Variants in PDE8B observed in about 807,000 individuals in gnomAD.
PDE8B encodes the protein phosphodiesterase 8B, also known as high affinity cAMP-specific and IBMX-insensitive 3',5'-cyclic phosphodiesterase 8B.
PDE8B carries 26 observed loss-of-function variants against 101.3 expected under a neutral mutation model. The ratio of observed to expected loss-of-function variants is 0.26; its 90% CI spans 0.19 to 0.36. PDE8B has a LOEUF of 0.36. Ranked by LOEUF, PDE8B falls within the 10% of genes least tolerant of loss-of-function variation. The pLI is 1.00. For missense variants in PDE8B, 810 were observed against 1,163.1 expected (o/e 0.70, Z 4.42); for synonymous variants, 424 against 429.3 (o/e 0.99, Z 0.15).
chr5:77,210,516 G>T, upstream of PDE8B: 1 of 574,870 alleles, frequency 1.7e-6, no homozygotes, highest in African/African-American at 2.0e-5. The surrounding 1 kb of genome is among the most constrained non-coding windows in gnomAD (Gnocchi z 4.9). Flanking sequence ...GCGGGCAGGC[G>T]GGCGGGCGCC....
the PDE8B span, among the ~76,000 whole-genome samples, chr5:77,195,376 C>T: frequency 6.6e-6 from 1 of 152,316 alleles, no homozygotes. Flanking sequence ...GGGATGCGTT[C>T]AAGCCATAGC....
chr5:77,204,353 G>A, the PDE8B span, among the ~76,000 whole-genome samples: 1 of 150,946 alleles, frequency 6.6e-6, no homozygotes. Flanking sequence ...GGAGGTTGCA[G>A]TGAGCCGAGA....
the PDE8B span, among the ~76,000 whole-genome samples, chr5:77,192,808 G>A: frequency 1.1e-4 from 16 of 152,264 alleles, no homozygotes; most frequent in East Asian, 2.5e-3. Flanking sequence ...AGTAATGTAC[G>A]AGAATTCCAG....
intron 10 of PDE8B, among the ~76,000 whole-genome samples, chr5:77,370,461 G>A (rs1784889478): frequency 6.6e-6 from 1 of 152,190 alleles, no homozygotes; most frequent in African/African-American, 2.4e-5. Context: ...ATGTTTTTGA[G>A]ATGTATTTAT....
intron 10 of PDE8B, among the ~76,000 whole-genome samples, chr5:77,358,966 C>T (rs931745950): frequency 2.6e-5 from 4 of 152,134 alleles, no homozygotes; most frequent in African/African-American, 9.7e-5. Flanking sequence ...TACGTATTTA[C>T]AAGAATCTAT....
intron 1 of PDE8B, among the ~76,000 whole-genome samples, chr5:77,259,079 C>CA (rs1561428902): frequency 8.9e-5 from 7 of 78,488 alleles, no homozygotes; most frequent in African/African-American, 2.6e-4. Flanking sequence ...CCCCCGCCCC[C>CA]CCCCCACACA....
At chr5:77,314,483 G>A (rs369559779) in intron 2 of PDE8B, among the ~76,000 whole-genome samples, 2 of 152,066 alleles carry the variant, frequency 1.3e-5, no homozygotes, top group African/African-American at 4.8e-5. Context: ...AATTTCAGGA[G>A]TATTACTATG....
At chr5:77,103,612 G>A in the PDE8B span, among the ~76,000 whole-genome samples, 1 of 152,198 alleles carries the variant, frequency 6.6e-6, no homozygotes, top group South Asian at 2.1e-4. Context: ...AGAACTCTGT[G>A]TTCCAGGCCC....
At chr5:77,346,165 T>A (rs1780113512) in intron 7 of PDE8B, among the ~76,000 whole-genome samples, 1 of 152,218 alleles carries the variant, frequency 6.6e-6, no homozygotes, top group Admixed American at 6.5e-5. Flanking sequence ...CCTGTTTAGC[T>A]GTATTGTTAG....
At chr5:77,095,585 G>T in the PDE8B span, among the ~76,000 whole-genome samples, 2 of 152,160 alleles carry the variant, frequency 1.3e-5, no homozygotes, top group African/African-American at 4.8e-5. Flanking sequence ...GTTGGGCATT[G>T]TTTGTGCTAT....
chr5:77,414,725 C>T (rs12516965), intron 17 of PDE8B, among the ~76,000 whole-genome samples: 28,563 of 151,856 alleles, frequency 0.19, 2,942 homozygotes, highest in East Asian at 0.3. Flanking sequence ...CCACTGCGCC[C>T]GGCCTATGCT....
chr5:77,377,909 C>T (rs577543503), intron 10 of PDE8B, among the ~76,000 whole-genome samples: 2 of 152,198 alleles, frequency 1.3e-5, no homozygotes, highest in Non-Finnish European at 2.9e-5. Context: ...GGTTCTCAGA[C>T]TTGCAGACAT....
the PDE8B span, among the ~76,000 whole-genome samples, chr5:77,199,281 A>G: frequency 6.6e-6 from 1 of 152,222 alleles, no homozygotes; most frequent in Non-Finnish European, 1.5e-5. Flanking sequence ...AAGGGATTTG[A>G]GTTCCTTACA....
intron 6 of PDE8B, among the ~76,000 whole-genome samples, chr5:77,341,216 G>C (rs1419977977): frequency 1.3e-5 from 2 of 152,156 alleles, no homozygotes; most frequent in African/African-American, 4.8e-5. Context: ...CAACCAAAGA[G>C]GTTGAGAGCC....
At chr5:77,423,632 GTTTTTTTTT>G (rs71594634) in intron 20 of PDE8B, among the ~76,000 whole-genome samples, 4 of 74,042 alleles carry the variant, frequency 5.4e-5, no homozygotes, top group Non-Finnish European at 7.8e-5. Context: ...GTTTTGTTTA[GTTTTTTTTT>G]TTTTTTTTTT....
At chr5:77,305,827 A>G (rs184107009) in intron 1 of PDE8B, among the ~76,000 whole-genome samples, 5 of 152,312 alleles carry the variant, frequency 3.3e-5, no homozygotes. Flanking sequence ...AAAAGTGCCT[A>G]TTTCTGTGCC....
chr5:77,394,992 G>A (rs1790690977), intron 10 of PDE8B, among the ~76,000 whole-genome samples: 1 of 152,036 alleles, frequency 6.6e-6, no homozygotes, highest in Non-Finnish European at 1.5e-5. Context: ...TCCAATCTAG[G>A]GTAAATACAG....
chr5:77,192,172 T>G, the PDE8B span, among the ~76,000 whole-genome samples: 6 of 152,282 alleles, frequency 3.9e-5, no homozygotes, highest in Middle Eastern at 3.4e-3. Context: ...CTGGTATGGG[T>G]CCATGGCCCA....
chr5:77,155,607 G>A, the PDE8B span, among the ~76,000 whole-genome samples: 1 of 152,194 alleles, frequency 6.6e-6, no homozygotes, highest in East Asian at 1.9e-4. Flanking sequence ...GTATGAATTC[G>A]TGTGAAGCGG....
Sources: gnomAD v4.1 joint callset for allele counts (sites outside exome capture counted in the v4.1 genomes callset) on GRCh38, gnomAD v4.1.1 for gene constraint, Gnocchi (gnomAD v3.1) non-coding constraint, MANE v1.5 for transcripts, NCBI Gene and HGNC (gene_info 2026-07-23, HGNC 2026-07-21) for gene names.